CCDC39: variants seen among roughly 807,000 people sequenced by gnomAD.
The protein encoded by CCDC39 is coiled-coil domain 39 molecular ruler complex subunit, also known as coiled-coil domain-containing protein 39.
CCDC39 carries 113 observed loss-of-function variants against 121.0 expected under a neutral mutation model. The observed-to-expected ratio is 0.93, with a 90% confidence interval of 0.80 to 1.09. The LOEUF is 1.09. Ranked by LOEUF, CCDC39 falls within the 50% of genes least tolerant of loss-of-function variation. CCDC39 has a pLI of 0.00. For synonymous variants in CCDC39, 349 were observed against 352.2 expected, an observed-to-expected ratio of 0.99 and a Z score of 0.10; for missense variants, 1,063 against 1,074.7, an observed-to-expected ratio of 0.99 and a Z score of 0.15.
Position 180,651,511 on chromosome 3 carries a change from T to G in CCDC39, c.1057A>C (p.Asn353His). The G allele has an allele frequency of 6.5e-7, 1 of 1,528,372 alleles. No individual in the cohort carries two copies. The highest frequency in any genetic ancestry group is 1.3e-5 in the South Asian group (1 of 77,654). The allele number at this position is 1,528,372 out of a possible 1,614,324, so 94.7% of individuals were successfully genotyped here. The change falls in exon 9 of 20, where the codon AAT becomes CAT. Residue 353 changes from asparagine (N) to histidine (H), a missense_variant. Physicochemically the swap from Asn to His is moderately conservative, Grantham distance 68 (BLOSUM62 1). Coordinates refer to ENST00000476379, the MANE Select transcript of CCDC39 (RefSeq NM_181426.2). ...TTTAATTTTGTTTGTATTATCTCAT[T>G]ATGATTTTTAGTTTTTTGTAACCTG... Reference protein sequence around the residue: ...TARLQKTKNHNEIIQTKLKEI... With the variant: ...TARLQKTKNHHEIIQTKLKEI...
At chr3:180,622,891 T>C in intron 14 of CCDC39, among the ~76,000 whole-genome samples, 1 of 151,976 alleles carries the variant, frequency 6.6e-6, no homozygotes, top group East Asian at 1.9e-4. Flanking sequence ...TTTTTTGTGT[T>C]GTGTCCTTGT....
At chr3:180,654,982 A>T (rs1711549054) in intron 6 of CCDC39, 29 bp from the exon 7 acceptor site, 1 of 1,370,290 alleles carries the variant, frequency 7.3e-7, no homozygotes, top group African/African-American at 1.5e-5. Flanking sequence ...TGTTTACTTA[A>T]ATATATGTTT....
At chr3:180,628,250 GC>G (rs1717610498) in intron 14 of CCDC39, among the ~76,000 whole-genome samples, 1 of 151,962 alleles carries the variant, frequency 6.6e-6, no homozygotes, top group Admixed American at 6.6e-5. Flanking sequence ...TCACTCTGTC[GC>G]CCAGGCTAGA....
In CCDC39 at chr3:180,661,850, T is replaced by C. The variant is rs1229232569; in HGVS notation, c.357+11A>G. On this transcript the variant is annotated intron_variant, in intron 3 of 19. Transcript: ENST00000476379. Reference sequence around the variant, plus strand: ...GTAGCACAGAATTTTAAGTAATATTTCAACATATACTTCTTTATCACTTTT... The same window carrying C: ...GTAGCACAGAATTTTAAGTAATATTCCAACATATACTTCTTTATCACTTTT... 4.5e-6 allele frequency: 7 copies of C among 1,569,196 alleles called. No homozygotes were observed. Among genetic ancestry groups the C allele is most frequent in the Non-Finnish European group, 6.1e-6 (7 of 1,155,072 alleles).
At chr3:180,657,540 C>G (rs1416542609) in intron 6 of CCDC39, among the ~76,000 whole-genome samples, 1 of 152,148 alleles carries the variant, frequency 6.6e-6, no homozygotes, top group African/African-American at 2.4e-5. Flanking sequence ...TAAAATCAGA[C>G]AGAAATAACA....
At chr3:180,677,153 ATAATAATAATAATTT>A (rs1467505309) in intron 1 of CCDC39, among the ~76,000 whole-genome samples, 8 of 109,188 alleles carry the variant, frequency 7.3e-5, no homozygotes, top group African/African-American at 2.8e-4. Flanking sequence ...TATAATAATA[ATAATAATAATAATTT>A]TATATATATA....
Position 180,614,121 on chromosome 3 carries a change from C to T in CCDC39, c.*800G>A, listed in dbSNP as rs114500310. On this transcript the variant is annotated 3_prime_UTR_variant, in exon 20 of 20. Coordinates refer to ENST00000476379, the MANE Select transcript of CCDC39 (RefSeq NM_181426.2). ...GAAGTGTTAACTGGAAAAACTACTACATTTGGCAGTCTACCTCCAACTGTA... is the reference window on the plus strand; with the variant it reads ...GAAGTGTTAACTGGAAAAACTACTATATTTGGCAGTCTACCTCCAACTGTA... 4.1e-3 allele frequency: 753 copies of T among 185,742 alleles called. 6 individuals carry two copies. Among genetic ancestry groups the T allele is most frequent in the African/African-American group, 0.017 (719 of 42,128 alleles). The allele number at this position is 185,742 out of a possible 1,614,324, so 11.5% of individuals were successfully genotyped here.
chr3:180,617,489 T>TA (rs1321922375), intron 16 of CCDC39: 6 of 683,274 alleles, frequency 8.8e-6, no homozygotes. Flanking sequence ...CCATTCATGT[T>TA]ACTGACCCTG....
chr3:180,622,164 T>G (rs1717446338), intron 14 of CCDC39, among the ~76,000 whole-genome samples: 1 of 152,098 alleles, frequency 6.6e-6, no homozygotes, highest in Admixed American at 6.6e-5. Context: ...CTAGGTACTG[T>G]TTTTGTATCT....
At chr3:180,635,305 G>T (rs1717798757) in intron 13 of CCDC39, among the ~76,000 whole-genome samples, 1 of 152,140 alleles carries the variant, frequency 6.6e-6, no homozygotes, top group South Asian at 2.1e-4. Flanking sequence ...ACCATATTCT[G>T]CCCCTAGTGC....
At chr3:180,625,539 T>C (rs999218632) in intron 14 of CCDC39, among the ~76,000 whole-genome samples, 3 of 152,154 alleles carry the variant, frequency 2.0e-5, no homozygotes, top group African/African-American at 7.2e-5. Flanking sequence ...AGTTGTTATA[T>C]GGTGGGTCAC....
chr3:180,615,153 G>A, intron 19 of CCDC39, 76 bp from the exon 20 acceptor site: 4 of 1,095,894 alleles, frequency 3.6e-6, no homozygotes, highest in East Asian at 5.7e-5. Flanking sequence ...ATTGGCAAAA[G>A]GTACCATAAT....
chr3:180,628,910 TAAG>T (rs973383184), intron 14 of CCDC39, among the ~76,000 whole-genome samples: 34 of 152,088 alleles, frequency 2.2e-4, no homozygotes, highest in Non-Finnish European at 1.2e-4. Context: ...GTAGATAACA[TAAG>T]AAGAATAAGG....
rs543749938 is a variant in CCDC39, at chr3:180,659,392, A to T, written c.738+60T>A. On this transcript the variant is annotated intron_variant, in intron 6 of 19. Coordinates refer to ENST00000476379, the MANE Select transcript of CCDC39 (RefSeq NM_181426.2). ...AATGTGATTTACATTTGGAATAATG[A>T]GTTAAATACAAAAGAGACAAATGCA... The T allele has an allele frequency of 3.3e-4, 515 of 1,578,612 alleles. 3 individuals carry two copies. Among genetic ancestry groups the T allele is most frequent in the South Asian group, 2.7e-3 (232 of 85,966 alleles).
chr3:180,677,209 T>TATAC (rs1560097274), intron 1 of CCDC39, among the ~76,000 whole-genome samples: 6 of 105,664 alleles, frequency 5.7e-5, no homozygotes, highest in Admixed American at 9.9e-5. Flanking sequence ...TATATATATA[T>TATAC]ATATATAAAA....
intron 14 of CCDC39, among the ~76,000 whole-genome samples, chr3:180,629,074 G>T (rs1717633824): frequency 6.6e-6 from 1 of 152,054 alleles, no homozygotes; most frequent in African/African-American, 2.4e-5. Flanking sequence ...AAAATGCCAA[G>T]GTACTATTTT....
chr3:180,651,844 T>A (rs948663524), intron 8 of CCDC39, among the ~76,000 whole-genome samples: 1 of 152,264 alleles, frequency 6.6e-6, no homozygotes, highest in East Asian at 1.9e-4. Flanking sequence ...AAGACCATCC[T>A]GGCTAACACG....
chr3:180,651,288 C>A (rs910833183), intron 9 of CCDC39, 113 bp downstream of exon 9: 8 of 831,870 alleles, frequency 9.6e-6, no homozygotes, highest in Non-Finnish European at 1.5e-5. Flanking sequence ...TGTGATCATA[C>A]CAAAAAGCAG....
chr3:180,667,292 A>G (rs1711906020), intron 1 of CCDC39, among the ~76,000 whole-genome samples: 1 of 152,194 alleles, frequency 6.6e-6, no homozygotes, highest in Non-Finnish European at 1.5e-5. Flanking sequence ...CTATTCTATC[A>G]AAATAAGGGA....
Sources: gnomAD v4.1 joint callset for allele counts (sites outside exome capture counted in the v4.1 genomes callset) on GRCh38, gnomAD v4.1.1 for gene constraint, MANE v1.5 for transcripts, NCBI Gene and HGNC (gene_info 2026-07-23, HGNC 2026-07-21) for gene names.